METAP1: variants seen among roughly 807,000 people sequenced by gnomAD.
The protein encoded by METAP1 is methionyl aminopeptidase 1, also known as methionine aminopeptidase 1.
A neutral mutation model predicts 53.8 loss-of-function variants in METAP1; 28 were observed. The ratio of observed to expected loss-of-function variants is 0.52; its 90% confidence interval spans 0.39 to 0.71. The LOEUF (loss-of-function observed/expected upper bound fraction) is 0.71. Ranked by LOEUF, METAP1 falls within the 30% of genes least tolerant of loss-of-function variation. The probability of loss-of-function intolerance (pLI) is 0.00; values close to 1 mark genes in which losing one functional copy is unlikely to be tolerated. For synonymous variants in METAP1, 181 were observed against 165.7 expected, an observed-to-expected ratio of 1.09 and a Z score of -0.71; for missense variants, 389 against 479.8, an observed-to-expected ratio of 0.81 and a Z score of 1.77.
chr4:99,041,359 A>AC (rs1170827331), intron 6 of METAP1, among the ~76,000 whole-genome samples: 1 of 152,146 alleles, frequency 6.6e-6, no homozygotes, highest in Non-Finnish European at 1.5e-5. Flanking sequence ...TGTTTCTGAA[A>AC]CAACATATTT....
intron 9 of METAP1, among the ~76,000 whole-genome samples, chr4:99,054,348 C>CT (rs1347833835): frequency 5.3e-5 from 8 of 152,304 alleles, no homozygotes; most frequent in African/African-American, 1.7e-4. Flanking sequence ...CCAACCTCTG[C>CT]TAGCTTTCAA....
At chr4:99,006,215 C>G (rs940262019) in intron 1 of METAP1, among the ~76,000 whole-genome samples, 10 of 152,224 alleles carry the variant, frequency 6.6e-5, no homozygotes, top group African/African-American at 2.2e-4. Context: ...GGGGCTTATG[C>G]TATTCTTGTA....
chr4:99,055,338 C>T (rs1727023844), intron 9 of METAP1, among the ~76,000 whole-genome samples: 2 of 150,692 alleles, frequency 1.3e-5, no homozygotes, highest in Admixed American at 1.3e-4. Context: ...TTGCAGTGAG[C>T]CGAGATCGTG....
At chr4:99,005,518 T>TA (rs904523355) in intron 1 of METAP1, among the ~76,000 whole-genome samples, 3 of 152,160 alleles carry the variant, frequency 2.0e-5, no homozygotes, top group African/African-American at 7.2e-5. Context: ...AGGGAATACT[T>TA]AAACACTGCT....
At chr4:99,009,040 C>T (rs1157139951) in intron 1 of METAP1, among the ~76,000 whole-genome samples, 1 of 152,146 alleles carries the variant, frequency 6.6e-6, no homozygotes. Context: ...TCTCCTTTGT[C>T]CTGTTTCCCA....
In METAP1 at chr4:99,034,294, A is replaced by G; in HGVS notation, c.231A>G (p.Pro77=). The change falls in exon 3 of 11, where the codon CCA becomes CCG. Residue 77 remains proline (P), a synonymous_variant. Transcript: ENST00000296411. Reference sequence around the variant, plus strand: ...TGGAAGGTGATATTAATACTGACCCATGGGCAGGTTATCGATATACTGGTA... The same window carrying G: ...TGGAAGGTGATATTAATACTGACCCGTGGGCAGGTTATCGATATACTGGTA... ...WTVEGDINTD[P]WAGYRYTGKL... 1 of 1,550,420 alleles carries G rather than the reference A, an allele frequency of 6.4e-7. No homozygotes were observed. Among genetic ancestry groups the G allele is most frequent in the Non-Finnish European group, 8.7e-7 (1 of 1,145,864 alleles).
rs565299908 is a variant in METAP1 at position 99,051,979 on chromosome 4, T to G, written c.931+3103T>G. On this transcript the variant is annotated intron_variant, in intron 9 of 10. Transcript: ENST00000296411. ...ATCAATGGGTGGGAAGTAATGATGA[T>G]AATACTCTGCATTTAAACTGTACAG... Among the ~76,000 whole-genome samples, 18 of 152,344 alleles carry G rather than the reference T, an allele frequency of 1.2e-4. No individual in the cohort carries two copies. The South Asian group carries it at 3.7e-3, about 32-fold the overall frequency.
chr4:99,047,573 C>T (rs1726360925), intron 8 of METAP1, among the ~76,000 whole-genome samples: 1 of 152,154 alleles, frequency 6.6e-6, no homozygotes, highest in African/African-American at 2.4e-5. Context: ...CTGCAAAATA[C>T]AGTTAAGAGC....
chr4:99,019,595 A>T (rs982167871), intron 1 of METAP1, among the ~76,000 whole-genome samples: 1 of 152,010 alleles, frequency 6.6e-6, no homozygotes, highest in Admixed American at 6.5e-5. Context: ...TCTCTGTGAG[A>T]TGGCACCCCT....
intron 1 of METAP1, chr4:99,023,531 A>T (rs1411862423): frequency 1.0e-6 from 1 of 985,366 alleles, no homozygotes; most frequent in Non-Finnish European, 1.2e-6. Flanking sequence ...ACATGAATTG[A>T]TGTTAGATTT....
At chr4:99,046,301 C>T (rs966900035) in intron 8 of METAP1, among the ~76,000 whole-genome samples, 1 of 152,040 alleles carries the variant, frequency 6.6e-6, no homozygotes, top group Non-Finnish European at 1.5e-5. Context: ...GTAATCCCAG[C>T]TACTCGGGAG....
intron 1 of METAP1, among the ~76,000 whole-genome samples, chr4:98,998,412 A>C (rs1029347195): frequency 2.0e-4 from 31 of 152,158 alleles, no homozygotes; most frequent in African/African-American, 7.2e-4. Flanking sequence ...AGTCCCAGCT[A>C]CTCAGGAGGC....
intron 1 of METAP1, chr4:99,025,331 A>G: frequency 2.1e-6 from 2 of 968,684 alleles, no homozygotes; most frequent in Non-Finnish European, 2.5e-6. Flanking sequence ...GATCTCTTTC[A>G]CTGTTTGAGT....
Position 99,028,868 on chromosome 4 carries a change from A to G in METAP1, c.116A>G (p.Glu39Gly). The G allele has an allele frequency of 2.6e-6, 4 of 1,538,978 alleles. No individual in the cohort carries two copies. Among genetic ancestry groups the G allele is most frequent in the Non-Finnish European group, 3.5e-6 (4 of 1,139,530 alleles). Residue 39 changes from glutamate (E) to glycine (G), a missense_variant and splice_region_variant, in exon 2 of 11, where the codon GAA becomes GGA. Physicochemically the swap from Glu to Gly is moderately conservative, Grantham distance 98. Coordinates refer to ENST00000296411, the MANE Select transcript of METAP1 (RefSeq NM_015143.3). ...GIQGSYFCSQ[E>G]CFKGSWATHK... ...AATTTTCCTTTTTTGTTCTTTTAGG[A>G]ATGTTTTAAAGGAAGTTGGGCTACT...
chr4:99,053,344 G>A (rs1222494069), intron 9 of METAP1, among the ~76,000 whole-genome samples: 2 of 152,144 alleles, frequency 1.3e-5, no homozygotes, highest in African/African-American at 4.8e-5. Flanking sequence ...CCACCTCCTG[G>A]GCTCAGGTGA....
At chr4:99,050,632 G>A (rs1269626352) in intron 9 of METAP1, among the ~76,000 whole-genome samples, 1 of 152,200 alleles carries the variant, frequency 6.6e-6, no homozygotes, top group African/African-American at 2.4e-5. Flanking sequence ...CAGCAAGCAA[G>A]CGAGCTTTAC....
At chr4:99,058,337 G>T (rs1727297339) in intron 10 of METAP1, among the ~76,000 whole-genome samples, 1 of 152,160 alleles carries the variant, frequency 6.6e-6, no homozygotes, top group East Asian at 1.9e-4. Flanking sequence ...GTCAGACTCA[G>T]CTCATGAGCT....
intron 6 of METAP1, among the ~76,000 whole-genome samples, chr4:99,041,341 A>C (rs1421459082): frequency 6.6e-6 from 1 of 152,184 alleles, no homozygotes; most frequent in African/African-American, 2.4e-5. Context: ...GGTAAGCTTG[A>C]AATATCTTGT....
intron 5 of METAP1, 38 bp from the exon 6 acceptor site, chr4:99,041,005 G>C (rs186706812): frequency 5.5e-6 from 8 of 1,459,740 alleles, no homozygotes; most frequent in Middle Eastern, 1.8e-4. Flanking sequence ...TTCTGTTTCT[G>C]TGTCTTTTTT....
Sources: allele counts gnomAD v4.1 joint callset (sites outside exome capture counted in the v4.1 genomes callset), GRCh38; gene constraint gnomAD v4.1.1; transcripts MANE v1.5; gene names NCBI Gene and HGNC (gene_info 2026-07-23, HGNC 2026-07-21).